Variants in ANKHD1 observed in about 807,000 individuals in gnomAD.
The protein encoded by ANKHD1 is ankyrin repeat and KH domain containing 1.
ANKHD1 carries 31 observed loss-of-function variants against 230.5 expected under a neutral mutation model. The ratio of observed to expected loss-of-function variants is 0.13; its 90% confidence interval spans 0.10 to 0.18. ANKHD1 has a LOEUF of 0.18. Ranked by LOEUF, ANKHD1 falls within the 10% of genes least tolerant of loss-of-function variation. ANKHD1 has a pLI of 1.00. For synonymous variants in ANKHD1, 1,074 were observed against 1,117.6 expected (o/e 0.96, Z 0.78); for missense variants, 2,256 against 3,071.3 (o/e 0.73, Z 6.27).
intron 1 of ANKHD1, among the ~76,000 whole-genome samples, chr5:140,424,227 G>T (rs1478845438): frequency 2.5e-4 from 38 of 151,994 alleles, no homozygotes; most frequent in African/African-American, 9.2e-4. Flanking sequence ...TATAGAGAGA[G>T]AGAGAGAGAG....
chr5:140,463,113 C>T (rs78136952), intron 9 of ANKHD1, among the ~76,000 whole-genome samples: 3,874 of 152,110 alleles, frequency 0.025, 149 homozygotes, highest in African/African-American at 0.086. Context: ...TCTCCCAAAG[C>T]GCGGAGATTA....
In ANKHD1 at chr5:140,535,409, G is replaced by A. The variant is rs980206420; in HGVS notation, c.6898G>A (p.Ala2300Thr). Reference protein sequence around the residue: ...PSGSSPSSSSAPLASFSGIPG... With the variant: ...PSGSSPSSSSTPLASFSGIPG... ...AGGCAGCTCCCCATCTTCCTCTTCT[G>A]CTCCTCTGGCAAGTTTTTCCGGCAT... Residue 2300 changes from alanine (A) to threonine (T), a missense_variant, in exon 30 of 34, where the codon GCT becomes ACT. Around this residue, in one of 13 missense-constraint regions of ANKHD1, gnomAD observed 778 missense variants for 966.5 expected, o/e 0.80. Transcript: ENST00000360839. 29 of 1,613,196 alleles carry A rather than the reference G, an allele frequency of 1.8e-5. No homozygotes were observed. The highest frequency in any genetic ancestry group is 2.5e-5 in the Non-Finnish European group (29 of 1,179,750).
Position 140,528,686 on chromosome 5 carries a change from C to G in ANKHD1, c.5740C>G (p.Pro1914Ala). The stretch of plus-strand genomic sequence containing the variant: ...AAAGCATAATAACACAAGCCGTCTA[C>G]CTAACCAGAACGGGACTGTTTTACC... Reference protein sequence around the residue: ...SPKHNNTSRLPNQNGTVLPSE... With the variant: ...SPKHNNTSRLANQNGTVLPSE... The change falls in exon 29 of 34, where the codon CCT (proline) becomes GCT (alanine). Residue 1914 changes from proline to alanine, a missense_variant. Coordinates refer to ENST00000360839, the MANE Select transcript of ANKHD1 (RefSeq NM_017747.3). 6.2e-7 allele frequency: 1 copy of G among 1,614,178 alleles called. No individual in the cohort carries two copies. The highest frequency in any genetic ancestry group is 1.7e-5 in the Admixed American group (1 of 60,030).
intron 1 of ANKHD1, among the ~76,000 whole-genome samples, chr5:140,406,721 A>G (rs572421989): frequency 2.8e-4 from 43 of 152,170 alleles, no homozygotes; most frequent in Admixed American, 8.5e-4. Flanking sequence ...CTTTAGCAGA[A>G]ATGGGGGTTT....
chr5:140,476,194 T>C (rs1750958364), intron 10 of ANKHD1, among the ~76,000 whole-genome samples: 1 of 151,396 alleles, frequency 6.6e-6, no homozygotes, highest in African/African-American at 2.4e-5. Flanking sequence ...TATAATGAAA[T>C]ATAGTAAAGA....
chr5:140,428,260 G>A (rs375513169), intron 1 of ANKHD1, among the ~76,000 whole-genome samples: 3 of 151,902 alleles, frequency 2.0e-5, no homozygotes, highest in South Asian at 4.2e-4. Flanking sequence ...CTGCAATCTC[G>A]GCACTTTGGG....
intron 1 of ANKHD1, among the ~76,000 whole-genome samples, chr5:140,422,132 G>C (rs1159677580): frequency 6.6e-6 from 1 of 152,032 alleles, no homozygotes; most frequent in African/African-American, 2.4e-5. Context: ...AGAGTGGATT[G>C]ATTGATTGAG....
chr5:140,467,089 G>A (rs971903661), intron 10 of ANKHD1, among the ~76,000 whole-genome samples: 2 of 151,830 alleles, frequency 1.3e-5, no homozygotes, highest in Admixed American at 1.3e-4. Context: ...TAATACAGTT[G>A]TTTTCTATTT....
At chr5:140,518,241 G>A (rs1161900406) in intron 24 of ANKHD1, among the ~76,000 whole-genome samples, 3 of 152,206 alleles carry the variant, frequency 2.0e-5, no homozygotes, top group Admixed American at 6.5e-5. Context: ...AAACCAGGAA[G>A]AAGTTGAATC....
At chr5:140,432,252 T>C (rs759009879) in intron 1 of ANKHD1, among the ~76,000 whole-genome samples, 1 of 152,210 alleles carries the variant, frequency 6.6e-6, no homozygotes, top group Non-Finnish European at 1.5e-5. Context: ...CTCCTATTCT[T>C]CCCTTCTCCA....
intron 1 of ANKHD1, among the ~76,000 whole-genome samples, chr5:140,427,569 G>A (rs1374003968): frequency 1.1e-5 from 1 of 91,962 alleles, no homozygotes; most frequent in Admixed American, 1.1e-4. Flanking sequence ...CACCTCCCTT[G>A]CGGACGGGGC....
chr5:140,499,237 TAAGTC>T (rs201992043), intron 15 of ANKHD1, among the ~76,000 whole-genome samples: 2,303 of 152,172 alleles, frequency 0.015, 62 homozygotes, highest in African/African-American at 0.052. Context: ...TATATTTTCT[TAAGTC>T]AAAGTTTGTC....
intron 10 of ANKHD1, 163 bp downstream of exon 10, chr5:140,464,939 A>G: frequency 1.6e-6 from 1 of 623,206 alleles, no homozygotes; most frequent in Non-Finnish European, 2.4e-6. Context: ...AATGTATTTG[A>G]AAATACTTAG....
rs1055703382 is a variant in ANKHD1 at position 140,507,655 on chromosome 5, C to T, written c.3552-130C>T. ...CATTTTCTTATTCTTTATTATTGGTCGAAACAAGTAAAATCTATTCATTGA... is the reference window on the plus strand; with the variant it reads ...CATTTTCTTATTCTTTATTATTGGTTGAAACAAGTAAAATCTATTCATTGA... On this transcript the variant is annotated intron_variant, in intron 19 of 33. Coordinates refer to ENST00000360839, the MANE Select transcript of ANKHD1 (RefSeq NM_017747.3). This position sits in a 1 kb window ranked among gnomAD's most constrained non-coding sequence, Gnocchi z 4.1. 2.0e-5 allele frequency: 23 copies of T among 1,138,512 alleles called. No homozygotes were observed. The highest frequency in any genetic ancestry group is 1.4e-4 in the Admixed American group (5 of 35,372). 70.5% of individuals were successfully genotyped at this position (1,138,512 alleles called of 1,614,324 possible).
chr5:140,427,398 A>AT (rs1454390117), intron 1 of ANKHD1, among the ~76,000 whole-genome samples: 5 of 180 alleles, frequency 0.028, 1 homozygote, highest in Non-Finnish European at 0.049. Flanking sequence ...TCCCTCCCCG[A>AT]CGGGCGGCTG....
In ANKHD1 at chr5:140,440,266, A is replaced by G; in HGVS notation, c.765A>G (p.Gln255=). 1 of 1,603,584 alleles carries G rather than the reference A, an allele frequency of 6.2e-7. No individual in the cohort carries two copies. The highest frequency in any genetic ancestry group is 8.5e-7 in the Non-Finnish European group (1 of 1,176,124). Residue 255 remains glutamine, a splice_region_variant and synonymous_variant, in exon 4 of 34, where the codon CAA becomes CAG. Coordinates refer to ENST00000360839, the MANE Select transcript of ANKHD1 (RefSeq NM_017747.3). The part of the protein sequence containing the change: ...ACSAGYYELA[Q]VLLAMHANVE... ...CAGCAGGGTATTATGAATTAGCACA[A>G]GTAAGCAGAAATAATCTTTAGTGAT... is the stretch of plus-strand genomic sequence containing the variant.
chr5:140,429,269 T>G (rs1772829318), intron 1 of ANKHD1, among the ~76,000 whole-genome samples: 1 of 151,512 alleles, frequency 6.6e-6, no homozygotes, highest in African/African-American at 2.4e-5. Flanking sequence ...AATTTTTGTA[T>G]TTTTAGTAAA....
chr5:140,409,372 A>G (rs1457808778), intron 1 of ANKHD1, among the ~76,000 whole-genome samples: 1 of 152,206 alleles, frequency 6.6e-6, no homozygotes, highest in Admixed American at 6.5e-5. Context: ...ATGAAAATGA[A>G]TTTTTAAAAA....
intron 30 of ANKHD1, among the ~76,000 whole-genome samples, chr5:140,536,078 C>G (rs10476933): frequency 0.41 from 61,642 of 151,600 alleles, 13,312 homozygotes; most frequent in East Asian, 0.55. Context: ...TAAAATATTC[C>G]TTTGTTCTAT....
Sources: allele counts gnomAD v4.1 joint callset (sites outside exome capture counted in the v4.1 genomes callset), GRCh38; gene constraint gnomAD v4.1.1; regional missense constraint gnomAD v4.1.1; non-coding constraint Gnocchi (gnomAD v3.1); transcripts MANE v1.5; gene names NCBI Gene and HGNC (gene_info 2026-07-23, HGNC 2026-07-21).